TAS2R9: variants seen among roughly 807,000 people sequenced by gnomAD.
The protein encoded by TAS2R9 is taste 2 receptor member 9.
For synonymous variants in TAS2R9, 158 were observed against 134.2 expected (o/e 1.18, Z -1.23); for missense variants, 406 against 363.6 (o/e 1.12, Z -0.95).
rs1948748888 is a variant in TAS2R9, at chr12:10,809,182, T to C, written c.894A>G (p.Arg298=). 1.2e-6 allele frequency: 2 copies of C among 1,613,196 alleles called. No homozygotes were observed. The highest frequency in any genetic ancestry group is 8.5e-7 in the Non-Finnish European group (1 of 1,179,624). Reference sequence around the variant, plus strand: ...TTCTTCTAAGGAAACACTTCACAAATCTTAACATCTTCAGAAAAGCTTCCC... The same window carrying C: ...TTCTTCTAAGGAAACACTTCACAAACCTTAACATCTTCAGAAAAGCTTCCC... ...KLREAFLKML[R]FVKCFLRRRK... is the part of the protein sequence containing the mutation. Residue 298 remains arginine, a synonymous_variant, in exon 1 of 1, where the codon AGA becomes AGG. Coordinates refer to ENST00000240691, the MANE Select transcript of TAS2R9 (RefSeq NM_023917.2).
Position 10,810,017 on chromosome 12 carries a change from C to T in TAS2R9, c.59G>A (p.Gly20Glu), listed in dbSNP as rs1303495343. 3.1e-6 allele frequency: 5 copies of T among 1,613,564 alleles called. No individual in the cohort carries two copies. Among genetic ancestry groups the T allele is most frequent in the Admixed American group, 1.7e-5 (1 of 59,918 alleles). The change falls in exon 1 of 1, where the codon GGG (glycine) becomes GAG (glutamate). Residue 20 changes from glycine to glutamate, a missense_variant. Gly to Glu is a moderately conservative substitution (Grantham distance 98). Coordinates refer to ENST00000240691, the MANE Select transcript of TAS2R9 (RefSeq NM_023917.2). The stretch of plus-strand genomic sequence containing the variant: ...TACAATGAATCCATTTCCCCAAATC[C>T]CTATGGTCAATTCACCAGCAATTAA... ...IILIAGELTIGIWGNGFIVLV... is the reference protein window; with the variant it reads ...IILIAGELTIEIWGNGFIVLV...
chr12:10,810,157 T>G lies in TAS2R9; in HGVS notation c.-82A>C, dbSNP rs1250826288. 1 of 1,302,314 alleles carries G rather than the reference T, an allele frequency of 7.7e-7. No homozygotes were observed. The highest frequency in any genetic ancestry group is 1.5e-5 in the African/African-American group (1 of 67,328). The allele number at this position is 1,302,314 out of a possible 1,614,324, so 80.7% of individuals were successfully genotyped here. ...ACCAGTGAAGAACAATGTATCTGTC[T>G]GCCTCTTAGACCATGATATAGTTGT... On this transcript the variant is annotated 5_prime_UTR_variant, in exon 1 of 1. Coordinates refer to ENST00000240691, the MANE Select transcript of TAS2R9 (RefSeq NM_023917.2).
Position 10,809,477 on chromosome 12 carries a change from A to C in TAS2R9, c.599T>G (p.Leu200Trp). The change falls in exon 1 of 1, where the codon TTG (leucine) becomes TGG (tryptophan). Residue 200 changes from leucine to tryptophan, a missense_variant. Transcript: ENST00000240691. ...GTGTCTAACTAGGGAGAAAAGTAAC[A>C]AGAAAAATGAGATCAGGCAAAGGAT... The part of the protein sequence containing the change: ...PFILCLISFF[L>W]LLFSLVRHTK... 2 of 1,613,512 alleles carry C rather than the reference A, an allele frequency of 1.2e-6. No individual in the cohort carries two copies. The highest frequency in any genetic ancestry group is 1.7e-6 in the Non-Finnish European group (2 of 1,179,774).
chr12:10,809,218 A>C lies in TAS2R9; in HGVS notation c.858T>G (p.Asn286Lys), dbSNP rs1249566522. The C allele has an allele frequency of 6.2e-7, 1 of 1,613,466 alleles. No homozygotes were observed. The highest frequency in any genetic ancestry group is 2.2e-5 in the East Asian group (1 of 44,872). The stretch of plus-strand genomic sequence containing the variant: ...TCAGAAAAGCTTCCCTCAACTTGCT[A>C]TTTCCCATAATTAGAATGAATGAAT... Reference protein sequence around the residue: ...SSHSFILIMGNSKLREAFLKM... With the variant: ...SSHSFILIMGKSKLREAFLKM... The change falls in exon 1 of 1, where the codon AAT becomes AAG. Residue 286 changes from asparagine to lysine, a missense_variant. Coordinates refer to ENST00000240691, the MANE Select transcript of TAS2R9 (RefSeq NM_023917.2).
rs1309592253 is a variant in TAS2R9, at chr12:10,809,390, C to T, written c.686G>A (p.Arg229Lys). Residue 229 changes from arginine to lysine, a missense_variant, in exon 1 of 1, where the codon AGG (arginine) becomes AAG (lysine). Coordinates refer to ENST00000240691, the MANE Select transcript of TAS2R9 (RefSeq NM_023917.2). ...AAAGATGATCACTGCCTTTATGGCC[C>T]TCATGTGGGCCTCTGTACTGGGGTC... ...FRDPSTEAHM[R>K]AIKAVIIFLL... The T allele has an allele frequency of 6.2e-7, 1 of 1,613,520 alleles. No individual in the cohort carries two copies. The highest frequency in any genetic ancestry group is 8.5e-7 in the Non-Finnish European group (1 of 1,179,790).
In TAS2R9 at chr12:10,809,363, A is replaced by G. The variant is rs1376817561; in HGVS notation, c.713T>C (p.Leu238Pro). ...MRAIKAVIIFLLLLIVYYPVF... is the reference protein window; with the variant it reads ...MRAIKAVIIFPLLLIVYYPVF... ...TGGGTAGTACACGATGAGGAGGAGC[A>G]GAAAGATGATCACTGCCTTTATGGC... The change falls in exon 1 of 1, where the codon CTG becomes CCG. Residue 238 changes from leucine (L) to proline (P), a missense_variant. Leu to Pro is a moderately conservative substitution (Grantham distance 98). Transcript: ENST00000240691. 6.2e-7 allele frequency: 1 copy of G among 1,613,538 alleles called. No individual in the cohort carries two copies. Among genetic ancestry groups the G allele is most frequent in the African/African-American group, 1.3e-5 (1 of 74,898 alleles).
In TAS2R9 at chr12:10,809,976, C is replaced by G; in HGVS notation, c.100G>C (p.Asp34His). ...GAAATATCTCTTCTTTTGAGCCAGTCAATGCAGTTAACTAGTACAATGAAT... is the reference window on the plus strand; with the variant it reads ...GAAATATCTCTTCTTTTGAGCCAGTGAATGCAGTTAACTAGTACAATGAAT... ...NGFIVLVNCI[D>H]WLKRRDISLI... The change falls in exon 1 of 1, where the codon GAC (aspartate) becomes CAC (histidine). Residue 34 changes from aspartate (D) to histidine (H), a missense_variant. Physicochemically the swap from Asp to His is moderately conservative, Grantham distance 81. Coordinates refer to ENST00000240691, the MANE Select transcript of TAS2R9 (RefSeq NM_023917.2). 6.2e-7 allele frequency: 1 copy of G among 1,613,730 alleles called. No individual in the cohort carries two copies. Among genetic ancestry groups the G allele is most frequent in the Non-Finnish European group, 8.5e-7 (1 of 1,179,802 alleles).
In TAS2R9 at chr12:10,809,665, G is replaced by A. The variant is rs1948754267; in HGVS notation, c.411C>T (p.Ser137=). 4 of 1,613,522 alleles carry A rather than the reference G, an allele frequency of 2.5e-6. No homozygotes were observed. In the South Asian group the frequency reaches 3.3e-5, roughly 13 times the overall value. Residue 137 remains serine (S), a synonymous_variant, in exon 1 of 1, where the codon TCC becomes TCT. Coordinates refer to ENST00000240691, the MANE Select transcript of TAS2R9 (RefSeq NM_023917.2). ...NKVMLAILLG[S]FLISLIISVP... ...CACTAATAATTAAAGAGATAAGAAA[G>A]GACCCCAGAAGAATCGCAAGCATGA...
In TAS2R9 at chr12:10,810,048, T is replaced by C. The variant is rs375160171; in HGVS notation, c.28A>G (p.Ile10Val). 14 of 1,612,808 alleles carry C rather than the reference T, an allele frequency of 8.7e-6. No homozygotes were observed. The highest frequency in any genetic ancestry group is 1.1e-5 in the Non-Finnish European group (13 of 1,179,412). Reference protein sequence around the residue: MPSAIEAIYIILIAGELTIG... With the variant: MPSAIEAIYVILIAGELTIG... ...GTCAATTCACCAGCAATTAAAATAATATATATTGCCTCTATTGCACTTGGC... is the reference window on the plus strand; with the variant it reads ...GTCAATTCACCAGCAATTAAAATAACATATATTGCCTCTATTGCACTTGGC... Residue 10 changes from isoleucine (I) to valine (V), a missense_variant, in exon 1 of 1, where the codon ATT becomes GTT. Coordinates refer to ENST00000240691, the MANE Select transcript of TAS2R9 (RefSeq NM_023917.2).
Position 10,809,963 on chromosome 12 carries a change from C to G in TAS2R9, c.113G>C (p.Arg38Thr). ...VLVNCIDWLK[R>T]RDISLIDIIL... ...GATGTCAATCAAGGAAATATCTCTT[C>G]TTTTGAGCCAGTCAATGCAGTTAAC... Residue 38 changes from arginine to threonine, a missense_variant, in exon 1 of 1, where the codon AGA (arginine) becomes ACA (threonine). Arg to Thr is a moderately conservative substitution (Grantham distance 71). Coordinates refer to ENST00000240691, the MANE Select transcript of TAS2R9 (RefSeq NM_023917.2). 1 of 1,613,754 alleles carries G rather than the reference C, an allele frequency of 6.2e-7. No homozygotes were observed. Among genetic ancestry groups the G allele is most frequent in the Non-Finnish European group, 8.5e-7 (1 of 1,179,810 alleles).
rs1303630650 is a variant in TAS2R9 at position 10,809,599 on chromosome 12, G to A, written c.477C>T (p.Val159=). The A allele has an allele frequency of 1.9e-6, 3 of 1,613,548 alleles. No homozygotes were observed. Among genetic ancestry groups the A allele is most frequent in the Non-Finnish European group, 2.5e-6 (3 of 1,179,802 alleles). Residue 159 remains valine, a synonymous_variant, in exon 1 of 1, where the codon GTC becomes GTT. Transcript: ENST00000240691. The part of the protein sequence containing the change: ...NDDMWYHLFK[V]SHEENITWKF... ...TCCAAGTAATGTTTTCTTCATGACTGACTTTGAAAAGGTGATACCACATAT... is the reference window on the plus strand; with the variant it reads ...TCCAAGTAATGTTTTCTTCATGACTAACTTTGAAAAGGTGATACCACATAT...
chr12:10,809,408 C>A lies in TAS2R9; in HGVS notation c.668G>T (p.Ser223Ile), dbSNP rs772025608. 1.2e-6 allele frequency: 2 copies of A among 1,613,550 alleles called. No individual in the cohort carries two copies. Among genetic ancestry groups the A allele is most frequent in the South Asian group, 2.2e-5 (2 of 91,066 alleles). Residue 223 changes from serine to isoleucine, a missense_variant, in exon 1 of 1, where the codon AGT becomes ATT. Physicochemically the swap from Ser to Ile is moderately radical, Grantham distance 142. Coordinates refer to ENST00000240691, the MANE Select transcript of TAS2R9 (RefSeq NM_023917.2). ...RLHATGFRDP[S>I]TEAHMRAIKA... ...TATGGCCCTCATGTGGGCCTCTGTA[C>A]TGGGGTCTCTGAACCCTGTAGCATG...
chr12:10,809,350 G>A lies in TAS2R9; in HGVS notation c.726C>T (p.Ile242=). Residue 242 remains isoleucine, a synonymous_variant, in exon 1 of 1, where the codon ATC becomes ATT. Transcript: ENST00000240691. ...TAACAAGAAAGACTGGGTAGTACAC[G>A]ATGAGGAGGAGCAGAAAGATGATCA... ...KAVIIFLLLL[I]VYYPVFLVMT... 1 of 1,613,600 alleles carries A rather than the reference G, an allele frequency of 6.2e-7. No individual in the cohort carries two copies. Among genetic ancestry groups the A allele is most frequent in the African/African-American group, 1.3e-5 (1 of 74,988 alleles).
rs757858202 is a variant in TAS2R9 at position 10,809,787 on chromosome 12, G to C, written c.289C>G (p.Leu97Val). ...ATACTGAGGCAAGAAGTAAACCAGA[G>C]ACTTGAATTATTGGCAAATGTCCAG... Reference protein sequence around the residue: ...VVWTFANNSSLWFTSCLSIFY... With the variant: ...VVWTFANNSSVWFTSCLSIFY... Residue 97 changes from leucine to valine, a missense_variant, in exon 1 of 1, where the codon CTC (leucine) becomes GTC (valine). By Grantham distance (32) the Leu-to-Val change is conservative. Coordinates refer to ENST00000240691, the MANE Select transcript of TAS2R9 (RefSeq NM_023917.2). 1 of 1,613,780 alleles carries C rather than the reference G, an allele frequency of 6.2e-7. No individual in the cohort carries two copies. The highest frequency in any genetic ancestry group is 1.1e-5 in the South Asian group (1 of 91,078).
chr12:10,809,452 G>T lies in TAS2R9; in HGVS notation c.624C>A (p.His208Gln), dbSNP rs1422338417. The change falls in exon 1 of 1, where the codon CAC becomes CAA. Residue 208 changes from histidine (H) to glutamine (Q), a missense_variant. Coordinates refer to ENST00000240691, the MANE Select transcript of TAS2R9 (RefSeq NM_023917.2). ...TAGCATGCAGTCGAATCTGCTTGGT[G>T]TGTCTAACTAGGGAGAAAAGTAACA... Reference protein sequence around the residue: ...FFLLLFSLVRHTKQIRLHATG... With the variant: ...FFLLLFSLVRQTKQIRLHATG... 1 of 1,613,394 alleles carries T rather than the reference G, an allele frequency of 6.2e-7. No homozygotes were observed. Among genetic ancestry groups the T allele is most frequent in the South Asian group, 1.1e-5 (1 of 91,072 alleles).
the TAS2R9 span, chr12:10,809,181 AT>A: frequency 6.2e-7 from 1 of 1,613,320 alleles, no homozygotes; most frequent in South Asian, 1.1e-5. Context: ...CACTTCACAA[AT>A]CTTAACATCT....
the TAS2R9 span, chr12:10,809,575 C>T: frequency 3.7e-6 from 6 of 1,613,444 alleles, no homozygotes; most frequent in Admixed American, 1.0e-4. Flanking sequence ...CTTTGAATTT[C>T]CAAGTAATGT....
At position 10,809,866 on chromosome 12, in the gene TAS2R9, C is replaced by A; in HGVS notation, c.210G>T (p.Leu70=). The change falls in exon 1 of 1, where the codon CTG becomes CTT. Residue 70 remains leucine (L), a synonymous_variant. Transcript: ENST00000240691. ...CVISLDGFFM[L]LFPGTYGNSV... ...TATTGCCATATGTACCTGGAAAGAG[C>A]AGCATAAAGAAGCCATCTAATGATA... 1 of 1,613,720 alleles carries A rather than the reference C, an allele frequency of 6.2e-7. No individual in the cohort carries two copies. The highest frequency in any genetic ancestry group is 8.5e-7 in the Non-Finnish European group (1 of 1,179,856).
chr12:10,809,639 A>G lies in TAS2R9; in HGVS notation c.437T>C (p.Val146Ala). 1 of 1,613,672 alleles carries G rather than the reference A, an allele frequency of 6.2e-7. No individual in the cohort carries two copies. Among genetic ancestry groups the G allele is most frequent in the South Asian group, 1.1e-5 (1 of 91,072 alleles). ...GSFLISLIIS[V>A]PKNDDMWYHL... Reference sequence around the variant, plus strand: ...ATACCACATATCATCATTCTTTGGAACACTAATAATTAAAGAGATAAGAAA... The same window carrying G: ...ATACCACATATCATCATTCTTTGGAGCACTAATAATTAAAGAGATAAGAAA... The change falls in exon 1 of 1, where the codon GTT becomes GCT. Residue 146 changes from valine to alanine, a missense_variant. Coordinates refer to ENST00000240691, the MANE Select transcript of TAS2R9 (RefSeq NM_023917.2).
Sources: gnomAD v4.1 joint callset for allele counts on GRCh38, gnomAD v4.1.1 for gene constraint, MANE v1.5 for transcripts, NCBI Gene and HGNC (gene_info 2026-07-23, HGNC 2026-07-21) for gene names.